Variants in TMEM108 observed in about 807,000 individuals in gnomAD.
TMEM108 encodes transmembrane protein 108.
Under a neutral mutation model 35.1 loss-of-function variants are expected in TMEM108, and 12 were observed. That is an observed-to-expected ratio of 0.34 (90% CI 0.22 to 0.55). TMEM108 has a LOEUF of 0.55. Among genes scored for constraint, TMEM108 ranks in the 20% least tolerant of loss-of-function variants. The pLI is 0.89. For synonymous variants in TMEM108, 287 were observed against 308.6 expected, an observed-to-expected ratio of 0.93 and a Z score of 0.73; for missense variants, 680 against 753.3, an observed-to-expected ratio of 0.90 and a Z score of 1.14.
At chr3:133,197,041 A>G (rs142231091) in intron 2 of TMEM108, among the ~76,000 whole-genome samples, 1,577 of 152,320 alleles carry the variant, frequency 0.01, 25 homozygotes, top group African/African-American at 0.036. Flanking sequence ...AATGTCTTCT[A>G]TGGAAATCAA....
At chr3:133,082,060 A>G (rs1943818185) in intron 2 of TMEM108, among the ~76,000 whole-genome samples, 1 of 152,164 alleles carries the variant, frequency 6.6e-6, no homozygotes, top group African/African-American at 2.4e-5. Context: ...CTTGTGGCAG[A>G]TTTTGTCTTG....
chr3:133,168,710 A>G (rs187753178), intron 2 of TMEM108, among the ~76,000 whole-genome samples: 2 of 152,134 alleles, frequency 1.3e-5, no homozygotes, highest in African/African-American at 4.8e-5. Flanking sequence ...AGCAGCGGCA[A>G]CCCACTCAGG....
intron 3 of TMEM108, among the ~76,000 whole-genome samples, chr3:133,340,601 G>A (rs2071633673): frequency 6.7e-6 from 1 of 150,364 alleles, no homozygotes; most frequent in African/African-American, 2.4e-5. Context: ...ACCAGACAGA[G>A]ACACATCAAA....
Position 133,282,213 on chromosome 3 carries a change from T to A in TMEM108, c.40+52862T>A, listed in dbSNP as rs1946924589. Among the ~76,000 whole-genome samples, 2 of 151,880 alleles carry A rather than the reference T, an allele frequency of 1.3e-5. 1 individual carries two copies. The highest frequency in any genetic ancestry group is 1.3e-4 in the Admixed American group (2 of 15,250). The stretch of plus-strand genomic sequence containing the variant: ...AGACAAAAGAGTATTTTTAGAAAAA[T>A]TTTGATTTTGACTCCAGCTGAGTTT... On this transcript the variant is annotated intron_variant, in intron 3 of 5. Coordinates refer to ENST00000321871, the MANE Select transcript of TMEM108 (RefSeq NM_023943.4).
At chr3:133,113,929 T>TG in intron 2 of TMEM108, among the ~76,000 whole-genome samples, 1 of 152,352 alleles carries the variant, frequency 6.6e-6, no homozygotes, top group East Asian at 1.9e-4. Flanking sequence ...TGATTGATTC[T>TG]GGGGCTTTCT....
intron 3 of TMEM108, among the ~76,000 whole-genome samples, chr3:133,343,323 G>C (rs971310125): frequency 6.6e-6 from 1 of 151,838 alleles, no homozygotes; most frequent in Non-Finnish European, 1.5e-5. Context: ...TTATAAAGCT[G>C]AGTATATAGA....
intron 2 of TMEM108, chr3:133,192,782 C>A (rs9852976): frequency 0.27 from 40,316 of 151,940 alleles, 5,523 homozygotes; most frequent in Middle Eastern, 0.37. Flanking sequence ...GCGGGTGAGG[C>A]GGCCAGCTTC....
chr3:133,263,612 T>C (rs1366686944), intron 3 of TMEM108, among the ~76,000 whole-genome samples: 1 of 152,206 alleles, frequency 6.6e-6, no homozygotes, highest in Non-Finnish European at 1.5e-5. Context: ...TTACCATTCA[T>C]GTCAACCCCA....
chr3:133,188,808 G>A (rs1403865917), intron 2 of TMEM108, among the ~76,000 whole-genome samples: 1 of 152,140 alleles, frequency 6.6e-6, no homozygotes, highest in Non-Finnish European at 1.5e-5. Flanking sequence ...CCCAATGCAG[G>A]TTGACAGGAG....
intron 2 of TMEM108, among the ~76,000 whole-genome samples, chr3:133,179,559 A>G (rs1163600697): frequency 2.5e-4 from 37 of 150,704 alleles, no homozygotes; most frequent in Admixed American, 3.3e-4. Context: ...CACAAGGACA[A>G]AAAACCAAAC....
At chr3:133,139,278 A>T (rs1035037630) in intron 2 of TMEM108, among the ~76,000 whole-genome samples, 5 of 152,228 alleles carry the variant, frequency 3.3e-5, no homozygotes, top group Admixed American at 1.3e-4. Context: ...ATATATACCC[A>T]GTAATGGGAT....
intron 1 of TMEM108, among the ~76,000 whole-genome samples, chr3:133,043,527 TC>T (rs1350792734): frequency 6.6e-6 from 1 of 152,200 alleles, no homozygotes; most frequent in Non-Finnish European, 1.5e-5. Context: ...TATCATTCCT[TC>T]CTCAATAAGT....
chr3:133,268,871 A>G (rs981001842), intron 3 of TMEM108, among the ~76,000 whole-genome samples: 1 of 152,236 alleles, frequency 6.6e-6, no homozygotes, highest in African/African-American at 2.4e-5. Context: ...ATTCTGGAAA[A>G]TATCCTGATT....
At chr3:133,335,824 G>C (rs2071485672) in intron 3 of TMEM108, among the ~76,000 whole-genome samples, 1 of 152,170 alleles carries the variant, frequency 6.6e-6, no homozygotes, top group Non-Finnish European at 1.5e-5. Flanking sequence ...ACACAGTGCT[G>C]AATCACCGAT....
chr3:133,391,001 T>C (rs745998795), intron 5 of TMEM108, among the ~76,000 whole-genome samples: 20 of 152,146 alleles, frequency 1.3e-4, no homozygotes, highest in Admixed American at 6.5e-4. Flanking sequence ...CCATACTCTT[T>C]CCATCCTCAC....
intron 3 of TMEM108, chr3:133,247,893 A>T (rs1946410477): frequency 6.6e-6 from 1 of 152,140 alleles, no homozygotes; most frequent in African/African-American, 2.4e-5. Flanking sequence ...CAGATAGCAC[A>T]CCTGCTGGGG....
chr3:133,331,483 G>C (rs1424614136), intron 3 of TMEM108, among the ~76,000 whole-genome samples: 1 of 152,174 alleles, frequency 6.6e-6, no homozygotes, highest in Non-Finnish European at 1.5e-5. Flanking sequence ...ACAAATGACT[G>C]TATTTCCTAA....
chr3:133,357,771 T>C (rs990086702), intron 3 of TMEM108, among the ~76,000 whole-genome samples: 1 of 152,080 alleles, frequency 6.6e-6, no homozygotes, highest in African/African-American at 2.4e-5. Context: ...CTTTGGGGAC[T>C]CAGAGTGTAG....
intron 3 of TMEM108, among the ~76,000 whole-genome samples, chr3:133,348,606 G>C (rs1180355035): frequency 1.3e-5 from 2 of 152,176 alleles, no homozygotes; most frequent in Non-Finnish European, 2.9e-5. Context: ...CCCAAATTGA[G>C]ACAAGGGCCT....
Sources: gnomAD v4.1 joint callset for allele counts (sites outside exome capture counted in the v4.1 genomes callset) on GRCh38, gnomAD v4.1.1 for gene constraint, MANE v1.5 for transcripts, NCBI Gene and HGNC (gene_info 2026-07-23, HGNC 2026-07-21) for gene names.